CNTLN: variants seen among roughly 807,000 people sequenced by gnomAD.
The protein encoded by CNTLN is centlein, also known as centlein, centrosomal protein.
A neutral mutation model predicts 180.0 loss-of-function variants in CNTLN; 212 were observed. The ratio of observed to expected loss-of-function variants is 1.18; its 90% CI spans 1.05 to 1.32. CNTLN has a LOEUF of 1.32. Among genes scored for constraint, CNTLN ranks in the 40% most tolerant of loss-of-function variants. The probability of loss-of-function intolerance (pLI) is 0.00; values close to 1 mark genes in which losing one functional copy is unlikely to be tolerated. For missense variants in CNTLN, 2,095 were observed against 1,610.9 expected (o/e 1.30, Z -5.14); for synonymous variants, 722 against 563.1 (o/e 1.28, Z -3.99).
At chr9:17,282,528 CT>C (rs1427903176) in intron 6 of CNTLN, among the ~76,000 whole-genome samples, 1 of 152,106 alleles carries the variant, frequency 6.6e-6, no homozygotes, top group Non-Finnish European at 1.5e-5. Context: ...TTCTCCCATT[CT>C]GTAGGTTGCC....
At chr9:17,297,130 C>T (rs117640979) in intron 6 of CNTLN, among the ~76,000 whole-genome samples, 73 of 152,314 alleles carry the variant, frequency 4.8e-4, no homozygotes, top group Non-Finnish European at 8.4e-4. Context: ...GTGGTTGCAT[C>T]TGTACTGAAC....
intron 2 of CNTLN, among the ~76,000 whole-genome samples, chr9:17,222,155 A>G (rs1044275512): frequency 1.5e-4 from 23 of 151,930 alleles, no homozygotes; most frequent in African/African-American, 5.3e-4. Context: ...GTGATCTCAT[A>G]TTTCCCTTGA....
chr9:17,179,777 A>C (rs1477942063), intron 2 of CNTLN, among the ~76,000 whole-genome samples: 1 of 152,198 alleles, frequency 6.6e-6, no homozygotes, highest in Non-Finnish European at 1.5e-5. Flanking sequence ...GTTGCCAAAC[A>C]TAATTATTGA....
chr9:17,275,086 T>C (rs1828224472), intron 6 of CNTLN, among the ~76,000 whole-genome samples: 1 of 152,126 alleles, frequency 6.6e-6, no homozygotes, highest in Admixed American at 6.5e-5. Flanking sequence ...AGAAAAGTAA[T>C]TCTAAATAGG....
At chr9:17,274,265 A>G (rs1040316892) in intron 6 of CNTLN, among the ~76,000 whole-genome samples, 5 of 149,614 alleles carry the variant, frequency 3.3e-5, no homozygotes, top group African/African-American at 1.3e-4. Flanking sequence ...CAGTCTTTCT[A>G]TATCAACATA....
intron 6 of CNTLN, among the ~76,000 whole-genome samples, chr9:17,295,144 C>A (rs900216389): frequency 6.6e-6 from 1 of 151,840 alleles, no homozygotes; most frequent in Non-Finnish European, 1.5e-5. Context: ...GCCAAGCCCA[C>A]GCCCACCCGG....
At chr9:17,409,165 A>C in intron 15 of CNTLN, 128 bp from the exon 16 acceptor site, 1 of 738,538 alleles carries the variant, frequency 1.4e-6, no homozygotes, top group Non-Finnish European at 2.3e-6. Flanking sequence ...AGAACCAGTA[A>C]ATGCCCACGT....
At chr9:17,237,940 C>A (rs1159309105) in intron 5 of CNTLN, among the ~76,000 whole-genome samples, 3 of 152,040 alleles carry the variant, frequency 2.0e-5, no homozygotes, top group Non-Finnish European at 4.4e-5. Context: ...ATATCAGTTT[C>A]TGCTTCTGTG....
chr9:17,135,657 G>A (rs991000567), intron 1 of CNTLN, among the ~76,000 whole-genome samples: 2 of 152,034 alleles, frequency 1.3e-5, no homozygotes, highest in Non-Finnish European at 2.9e-5. Flanking sequence ...CTTCGCCTCC[G>A]CGCCCGGGTT....
At chr9:17,299,549 A>G (rs1205720265) in intron 7 of CNTLN, 1 of 985,216 alleles carries the variant, frequency 1.0e-6, no homozygotes, top group Non-Finnish European at 1.2e-6. Flanking sequence ...GCTTTGTAAC[A>G]GTGGTTTTCA....
chr9:17,237,588 A>G (rs1039420087), intron 5 of CNTLN, among the ~76,000 whole-genome samples: 1 of 152,168 alleles, frequency 6.6e-6, no homozygotes, highest in African/African-American at 2.4e-5. Context: ...AGTAATCCAG[A>G]CATGATTTAA....
chr9:17,507,754 A>T (rs950530882), downstream of CNTLN, among the ~76,000 whole-genome samples: 4 of 152,090 alleles, frequency 2.6e-5, no homozygotes, highest in Admixed American at 1.3e-4. Context: ...TTGATCAGAA[A>T]TTTTTTTCTG....
In CNTLN at chr9:17,340,960, A is replaced by G. The variant is rs1358769057; in HGVS notation, c.1766+12A>G. Reference sequence around the variant, plus strand: ...GAAGGCAGTGGCATGTGAGTTACATAGCTCATAAAGGCATTTCCCTAAATA... The same window carrying G: ...GAAGGCAGTGGCATGTGAGTTACATGGCTCATAAAGGCATTTCCCTAAATA... On this transcript the variant is annotated intron_variant, in intron 11 of 25. Coordinates refer to ENST00000380647, the MANE Select transcript of CNTLN (RefSeq NM_017738.4). 6.3e-7 allele frequency: 1 copy of G among 1,598,202 alleles called. No homozygotes were observed. Among genetic ancestry groups the G allele is most frequent in the South Asian group, 1.1e-5 (1 of 87,954 alleles).
intron 2 of CNTLN, among the ~76,000 whole-genome samples, chr9:17,201,548 T>C (rs958224269): frequency 1.3e-5 from 2 of 152,122 alleles, no homozygotes; most frequent in Non-Finnish European, 2.9e-5. Context: ...TCGACTTCTT[T>C]CTGGTTTAGT....
In CNTLN at chr9:17,135,075, C is replaced by T. The variant is rs774016559; in HGVS notation, c.10C>T (p.Arg4Cys). Reference sequence around the variant, plus strand: ...GTTAGCAGCCGCAGCCATGGCGGCGCGTTCGCCTCCCTCACCGCACCCTTC... The same window carrying T: ...GTTAGCAGCCGCAGCCATGGCGGCGTGTTCGCCTCCCTCACCGCACCCTTC... MAARSPPSPHPSPP... is the reference protein window; with the variant it reads MAACSPPSPHPSPP... The change falls in exon 1 of 26, where the codon CGT becomes TGT. Residue 4 changes from arginine to cysteine, a missense_variant. Arg to Cys is a radical substitution (Grantham distance 180). Transcript: ENST00000380647. 5 of 1,597,794 alleles carry T rather than the reference C, an allele frequency of 3.1e-6. No individual in the cohort carries two copies. Among genetic ancestry groups the T allele is most frequent in the East Asian group, 2.2e-5 (1 of 44,578 alleles).
At chr9:17,437,486 A>G (rs115882762) in intron 18 of CNTLN, among the ~76,000 whole-genome samples, 3,127 of 152,298 alleles carry the variant, frequency 0.021, 105 homozygotes, top group African/African-American at 0.071. Flanking sequence ...GATTTTTTAC[A>G]TCAACATACT....
intron 5 of CNTLN, among the ~76,000 whole-genome samples, chr9:17,268,513 C>G (rs1227906270): frequency 6.6e-6 from 1 of 152,176 alleles, no homozygotes; most frequent in Non-Finnish European, 1.5e-5. Context: ...AGGCAGTCTG[C>G]CCGTTCTCAG....
At chr9:17,202,646 G>GTTTTT (rs57960408) in intron 2 of CNTLN, among the ~76,000 whole-genome samples, 91 of 71,422 alleles carry the variant, frequency 1.3e-3, no homozygotes, top group African/African-American at 2.1e-3. Flanking sequence ...TGCAACCTCT[G>GTTTTT]TTTTTTTTTT....
At chr9:17,472,355 A>C (rs952501298) in intron 23 of CNTLN, among the ~76,000 whole-genome samples, 4 of 152,046 alleles carry the variant, frequency 2.6e-5, no homozygotes, top group Non-Finnish European at 4.4e-5. Context: ...CACGCACCCC[A>C]ATTATTTGTA....
Sources: allele counts gnomAD v4.1 joint callset (sites outside exome capture counted in the v4.1 genomes callset), GRCh38; gene constraint gnomAD v4.1.1; transcripts MANE v1.5; gene names NCBI Gene and HGNC (gene_info 2026-07-23, HGNC 2026-07-21).